The following POLR2K variants were observed in gnomAD, a reference collection of about 807,000 sequenced individuals.
POLR2K encodes DNA-directed RNA polymerases I, II, and III subunit RPABC4.
A neutral mutation model predicts 10.1 loss-of-function variants in POLR2K; 9 were observed. The observed-to-expected ratio is 0.89, with a 90% CI of 0.54 to 1.56. The LOEUF (loss-of-function observed/expected upper bound fraction) is 1.56, where lower values mean the gene tolerates loss of function less well. Ranked by LOEUF, POLR2K falls within the 40% of genes most tolerant of loss-of-function variation. The probability of loss-of-function intolerance (pLI) is 0.00; values close to 1 mark genes in which losing one functional copy is unlikely to be tolerated. For synonymous variants in POLR2K, 19 were observed against 20.3 expected (o/e 0.94, Z 0.17); for missense variants, 53 against 71.9 (o/e 0.74, Z 0.95).
In POLR2K at chr8:100,151,204, G is replaced by T. The variant is rs114948606; in HGVS notation, c.-9-143G>T. 2.6e-3 allele frequency: 1,773 copies of T among 671,016 alleles called. 15 individuals are homozygous for T. Among genetic ancestry groups the T allele is most frequent in the African/African-American group, 0.013 (746 of 55,716 alleles). 41.6% of individuals were successfully genotyped at this position (671,016 alleles called of 1,614,324 possible). On this transcript the variant is annotated intron_variant, in intron 1 of 3. Transcript: ENST00000353107. ...CTCAATACTTGTGTGTATGCGTTTC[G>T]TCCTTGAGACCTAACCCATAGGATT...
chr8:100,152,428 G>A (rs1225265026), intron 3 of POLR2K, among the ~76,000 whole-genome samples: 1 of 152,170 alleles, frequency 6.6e-6, no homozygotes, highest in Non-Finnish European at 1.5e-5. Context: ...ACGTCATTAT[G>A]GGTGCATGAC....
At chr8:100,152,038 C>T in intron 3 of POLR2K, 122 bp downstream of exon 3, 3 of 665,828 alleles carry the variant, frequency 4.5e-6, no homozygotes, top group Non-Finnish European at 8.0e-6. Context: ...AAAAAACAAA[C>T]ATGATTAGCA....
rs914229049 is a variant in POLR2K, at chr8:100,153,856, A to G, written c.*540A>G. Reference sequence around the variant, plus strand: ...ATTACGTGACTTTTTGTTTTATTGTATATGTAATTTAACACACAATAAAGG... The same window carrying G: ...ATTACGTGACTTTTTGTTTTATTGTGTATGTAATTTAACACACAATAAAGG... On this transcript the variant is annotated 3_prime_UTR_variant, in exon 4 of 4. Coordinates refer to ENST00000353107, the MANE Select transcript of POLR2K (RefSeq NM_005034.4). The G allele has an allele frequency of 1.3e-5, 2 of 152,234 alleles. No homozygotes were observed. The highest frequency in any genetic ancestry group is 4.1e-4 in the South Asian group (2 of 4,836). The allele number at this position is 152,234 out of a possible 1,614,324, so 9.4% of individuals were successfully genotyped here.
In POLR2K at chr8:100,153,311, C is replaced by T. The variant is rs199982916; in HGVS notation, c.172C>T (p.Arg58Ter). ...RTKRLVVFDA[R>*] ...TAATACAGTGGTCGTTTTTGATGCT[C>T]GATGAATGCTGGGAATTCAGAGGAA... The change falls in exon 4 of 4, where the codon CGA (arginine) becomes TGA (stop). Residue 58 changes from arginine (R) to a stop codon, truncating the protein, a stop_gained. Transcript: ENST00000353107. LOFTEE classifies it high-confidence loss of function. 4.0e-5 allele frequency: 65 copies of T among 1,608,344 alleles called. No homozygotes were observed. The highest frequency in any genetic ancestry group is 7.7e-5 in the South Asian group (7 of 90,474).
chr8:100,152,653 G>A lies in POLR2K; in HGVS notation c.155-641G>A, dbSNP rs1814935247. Among the ~76,000 whole-genome samples, 2 of 152,190 alleles carry A rather than the reference G, an allele frequency of 1.3e-5. 1 individual carries two copies. Among genetic ancestry groups the A allele is most frequent in the South Asian group, 4.1e-4 (2 of 4,836 alleles). On this transcript the variant is annotated intron_variant, in intron 3 of 3. Coordinates refer to ENST00000353107, the MANE Select transcript of POLR2K (RefSeq NM_005034.4). ...TCAAGACCAGCCTGGGCAACATAGTGTGACCCCCATGTGGAAAAATAAAAT... is the reference window on the plus strand; with the variant it reads ...TCAAGACCAGCCTGGGCAACATAGTATGACCCCCATGTGGAAAAATAAAAT...
chr8:100,152,853 T>C (rs1211310121), intron 3 of POLR2K, among the ~76,000 whole-genome samples: 2 of 152,150 alleles, frequency 1.3e-5, no homozygotes, highest in Admixed American at 6.5e-5. Flanking sequence ...TTGCAAGCTC[T>C]GCCTTCCGGG....
chr8:100,151,876 ATG>A lies in POLR2K; in HGVS notation c.117_118del (p.Cys39TrpfsTer11), dbSNP rs1814924655. ...CTAGGGATCCAATCAGATGCAGAGAATGTGGATACAGAATAATGTACAAGAAA... is the reference window on the plus strand; with the variant it reads ...CTAGGGATCCAATCAGATGCAGAGAATGGATACAGAATAATGTACAAGAAA... ...KSRDPIRCRE[C>X]GYRIMYKKRT... On this transcript the variant is annotated frameshift_variant, in exon 3 of 4. Transcript: ENST00000353107. LOFTEE classifies it high-confidence loss of function. 2 of 1,558,632 alleles carry A rather than the reference ATG, an allele frequency of 1.3e-6. No individual in the cohort carries two copies. The highest frequency in any genetic ancestry group is 1.8e-6 in the Non-Finnish European group (2 of 1,131,600).
intron 2 of POLR2K, 195 bp from the exon 3 acceptor site, chr8:100,151,629 A>G (rs1019402176): frequency 1.3e-5 from 8 of 599,018 alleles, no homozygotes; most frequent in Non-Finnish European, 2.4e-5. Context: ...TTGAGATTTC[A>G]TTCTCTCTCC....
intron 2 of POLR2K, 130 bp from the exon 3 acceptor site, chr8:100,151,694 A>C: frequency 1.7e-6 from 1 of 600,652 alleles, no homozygotes; most frequent in Non-Finnish European, 3.0e-6. Flanking sequence ...TATTTAATAA[A>C]AGCAGCAGAC....
rs967895147 is a variant in POLR2K at position 100,153,437 on chromosome 8, T to C, written c.*121T>C. ...TTCCCCCTTATCTTCGGGAGATACATTCCAAGGCCCCCAGTGAACTCCTGA... is the reference window on the plus strand; with the variant it reads ...TTCCCCCTTATCTTCGGGAGATACACTCCAAGGCCCCCAGTGAACTCCTGA... On this transcript the variant is annotated 3_prime_UTR_variant, in exon 4 of 4. Transcript: ENST00000353107. 1.5e-5 allele frequency: 12 copies of C among 815,768 alleles called. No homozygotes were observed. In the African/African-American group the frequency reaches 2.1e-4, roughly 14 times the overall value. The allele number at this position is 815,768 out of a possible 1,614,324, so 50.5% of individuals were successfully genotyped here. A position where few individuals can be genotyped will look rare whatever the true frequency, so the allele number is the denominator to read the frequency against.
At position 100,153,244 on chromosome 8, in the gene POLR2K, T is replaced by G. The variant is rs773318225; in HGVS notation, c.155-50T>G. ...GAGAAAGTGACTTTGAAACCTTCAG[T>G]CTTAATAATGTTTAAGTACCGTTTT... On this transcript the variant is annotated intron_variant, in intron 3 of 3. Transcript: ENST00000353107. The G allele has an allele frequency of 1.7e-5, 25 of 1,430,622 alleles. 1 individual carries two copies. The highest frequency in any genetic ancestry group is 2.4e-5 in the Non-Finnish European group (24 of 1,020,064). The allele number at this position is 1,430,622 out of a possible 1,614,324, so 88.6% of individuals were successfully genotyped here.
rs779851604 is a variant in POLR2K at position 100,151,374 on chromosome 8, G to T, written c.19G>T (p.Val7Phe). The T allele has an allele frequency of 6.2e-7, 1 of 1,610,370 alleles. No individual in the cohort carries two copies. Among genetic ancestry groups the T allele is most frequent in the South Asian group, 1.1e-5 (1 of 91,018 alleles). The change falls in exon 2 of 4, where the codon GTT becomes TTT. Residue 7 changes from valine (V) to phenylalanine (F), a missense_variant. Transcript: ENST00000353107. The part of the protein sequence containing the change: MDTQKD[V>F]QPPKQQPMIY... ...GCTAACAATGGACACCCAGAAGGAC[G>T]TTCAACCTCCAAAGCAGCAACCAAT...
Position 100,153,502 on chromosome 8 carries a change from C to CAT in POLR2K, c.*196_*197dup, listed in dbSNP as rs538243588. 227 of 497,350 alleles carry CAT rather than the reference C, an allele frequency of 4.6e-4. No individual in the cohort carries two copies. Among genetic ancestry groups the CAT allele is most frequent in the African/African-American group, 2.8e-3 (139 of 50,314 alleles). The allele number at this position is 497,350 out of a possible 1,614,324, so 30.8% of individuals were successfully genotyped here. Reference sequence around the variant, plus strand: ...CCAAACCTTTATACACTGTTTTTTCCATATATATATACCTATGATAAAGTA... The same window carrying CAT: ...CCAAACCTTTATACACTGTTTTTTCCATATATATATATACCTATGATAAAGTA... On this transcript the variant is annotated 3_prime_UTR_variant, in exon 4 of 4. Coordinates refer to ENST00000353107, the MANE Select transcript of POLR2K (RefSeq NM_005034.4).
rs1369167829 is a variant in POLR2K, at chr8:100,153,757, A to G, written c.*441A>G. 2 of 153,268 alleles carry G rather than the reference A, an allele frequency of 1.3e-5. No homozygotes were observed. Among genetic ancestry groups the G allele is most frequent in the African/African-American group, 4.8e-5 (2 of 41,504 alleles). 9.5% of individuals were successfully genotyped at this position (153,268 alleles called of 1,614,324 possible). Reference sequence around the variant, plus strand: ...TGTACTTAGGAATACAACTATATACATATGATTTTATTTTTAAGACCATAT... The same window carrying G: ...TGTACTTAGGAATACAACTATATACGTATGATTTTATTTTTAAGACCATAT... On this transcript the variant is annotated 3_prime_UTR_variant, in exon 4 of 4. Transcript: ENST00000353107.
chr8:100,151,373 C>T lies in POLR2K; in HGVS notation c.18C>T (p.Asp6=), dbSNP rs758058786. Residue 6 remains aspartate, a synonymous_variant, in exon 2 of 4, where the codon GAC becomes GAT. Coordinates refer to ENST00000353107, the MANE Select transcript of POLR2K (RefSeq NM_005034.4). ...GGCTAACAATGGACACCCAGAAGGA[C>T]GTTCAACCTCCAAAGCAGCAACCAA... MDTQK[D]VQPPKQQPMI... The T allele has an allele frequency of 6.2e-7, 1 of 1,609,794 alleles. No homozygotes were observed. Among genetic ancestry groups the T allele is most frequent in the Non-Finnish European group, 8.5e-7 (1 of 1,176,064 alleles).
intron 2 of POLR2K, 109 bp downstream of exon 2, chr8:100,151,525 GAACAC>G (rs1814918577): frequency 1.3e-6 from 1 of 778,112 alleles, no homozygotes; most frequent in African/African-American, 1.7e-5. Context: ...TTATAAAGTA[GAACAC>G]TTTAGCAACC....
At chr8:100,151,188 T>C in intron 1 of POLR2K, 159 bp from the exon 2 acceptor site, 1 of 637,520 alleles carries the variant, frequency 1.6e-6, no homozygotes. Context: ...GCTCAATACT[T>C]GTGTGTATGC....
chr8:100,151,289 C>T (rs560766357), intron 1 of POLR2K, 58 bp from the exon 2 acceptor site: 7 of 1,099,852 alleles, frequency 6.4e-6, no homozygotes, highest in African/African-American at 1.5e-5. Flanking sequence ...AAAATGGGCC[C>T]GGATGGACTT....
Position 100,151,917 on chromosome 8 carries a change from G to A in POLR2K, c.154+1G>A. 7.7e-7 allele frequency: 1 copy of A among 1,295,418 alleles called. No homozygotes were observed. Among genetic ancestry groups the A allele is most frequent in the South Asian group, 1.2e-5 (1 of 83,748 alleles). The allele number at this position is 1,295,418 out of a possible 1,614,324, so 80.2% of individuals were successfully genotyped here. A position where few individuals can be genotyped will look rare whatever the true frequency, so the allele number is the denominator to read the frequency against. ...ATGTACAAGAAAAGGACTAAAAGAT[G>A]TATCCTTTTAACGATGCTTTCTAAA... On this transcript the variant is annotated splice_donor_variant, in intron 3 of 3. Coordinates refer to ENST00000353107, the MANE Select transcript of POLR2K (RefSeq NM_005034.4). LOFTEE classifies it high-confidence loss of function.
Sources: gnomAD v4.1 joint callset for allele counts (sites outside exome capture counted in the v4.1 genomes callset) on GRCh38, gnomAD v4.1.1 for gene constraint, MANE v1.5 for transcripts, NCBI Gene and HGNC (gene_info 2026-07-23, HGNC 2026-07-21) for gene names.